The following RBFOX1 variants were observed in gnomAD, a reference collection of about 807,000 sequenced individuals.
The protein encoded by RBFOX1 is RNA binding protein fox-1 homolog 1.
RBFOX1 carries 8 observed loss-of-function variants against 57.7 expected under a neutral mutation model. The ratio of observed to expected loss-of-function variants is 0.14; its 90% confidence interval spans 0.08 to 0.25. The LOEUF (loss-of-function observed/expected upper bound fraction) is 0.25. RBFOX1 is among the 10% of genes least tolerant of loss of function. RBFOX1 has a pLI of 1.00. For missense variants in RBFOX1, 611 were observed against 548.5 expected (o/e 1.11, Z -1.14); for synonymous variants, 326 against 222.4 (o/e 1.47, Z -4.15).
chr16:6,543,638 A>G (rs571635753), intron 2 of RBFOX1, among the ~76,000 whole-genome samples: 15 of 152,102 alleles, frequency 9.9e-5, no homozygotes, highest in Non-Finnish European at 2.2e-4. Flanking sequence ...GGTCTGGAAG[A>G]TTTTTGCCTG....
In RBFOX1 at chr16:6,492,118, G is replaced by GTT. The variant is rs58092203; in HGVS notation, c.-63-162484_-63-162483insTT. Among the ~76,000 whole-genome samples the GTT allele has an allele frequency of 1.2e-4, 3 of 25,978 alleles. No homozygotes were observed. In the Admixed American group the frequency reaches 1.7e-3, roughly 15 times the overall value. The allele number at this position is 25,978 out of a possible 152,430, so 17.0% of individuals were successfully genotyped here. A position where few individuals can be genotyped will look rare whatever the true frequency, so the allele number is the denominator to read the frequency against. ...AAACATAAATAGCAAGTATATGAAA[G>GTT]TGTGTGTGTGTGTGCGGGCGTGTGA... On this transcript the variant is annotated intron_variant, in intron 2 of 15. Coordinates refer to ENST00000550418, the MANE Select transcript of RBFOX1 (RefSeq NM_018723.4).
At chr16:6,331,378 T>C (rs569006033) in intron 2 of RBFOX1, among the ~76,000 whole-genome samples, 2 of 151,012 alleles carry the variant, frequency 1.3e-5, no homozygotes, top group East Asian at 3.9e-4. Flanking sequence ...GCCCGGGAGG[T>C]GGAGGTTGCA....
chr16:5,884,867 C>T (rs762536399), intron 4 of RBFOX1, among the ~76,000 whole-genome samples: 1 of 152,090 alleles, frequency 6.6e-6, no homozygotes, highest in African/African-American at 2.4e-5. Context: ...GTGGCACGAG[C>T]TTGGAGTGTC....
chr16:5,687,619 T>C (rs1445155626), intron 3 of RBFOX1, among the ~76,000 whole-genome samples: 1 of 152,180 alleles, frequency 6.6e-6, no homozygotes, highest in Non-Finnish European at 1.5e-5. Context: ...GAGAAAGTCA[T>C]TGTAGCGTCA....
intron 14 of RBFOX1, among the ~76,000 whole-genome samples, chr16:7,706,831 G>A (rs1446986165): frequency 1.3e-5 from 2 of 152,118 alleles, no homozygotes; most frequent in Non-Finnish European, 1.5e-5. Context: ...TTCCTTTTAT[G>A]CCTGTTACTA....
intron 2 of RBFOX1, among the ~76,000 whole-genome samples, chr16:6,620,299 G>A (rs1472076428): frequency 2.0e-5 from 3 of 152,146 alleles, no homozygotes; most frequent in African/African-American, 4.8e-5. Flanking sequence ...TGAAACTAAT[G>A]AGAACAAAGA....
At chr16:7,678,854 G>C (rs1366736817) in intron 14 of RBFOX1, among the ~76,000 whole-genome samples, 1 of 152,164 alleles carries the variant, frequency 6.6e-6, no homozygotes, top group Non-Finnish European at 1.5e-5. Context: ...CCCACTGAAA[G>C]ATTGCCCTTG....
intron 3 of RBFOX1, among the ~76,000 whole-genome samples, chr16:5,722,730 C>A (rs373071800): frequency 6.6e-6 from 1 of 152,168 alleles, no homozygotes. Context: ...TTCATGGATA[C>A]CATTCTATGC....
intron 2 of RBFOX1, among the ~76,000 whole-genome samples, chr16:6,546,550 C>T (rs539755720): frequency 3.6e-4 from 55 of 152,318 alleles, no homozygotes; most frequent in African/African-American, 1.3e-3. Context: ...CTTCTACTTT[C>T]ATGTGGCATT....
At chr16:7,310,185 G>T (rs964131056) in intron 4 of RBFOX1, among the ~76,000 whole-genome samples, 1 of 152,302 alleles carries the variant, frequency 6.6e-6, no homozygotes, top group East Asian at 1.9e-4. Flanking sequence ...CAATGGACCC[G>T]CAGGCCGCCT....
At chr16:6,864,200 C>T (rs1169248386) in intron 3 of RBFOX1, among the ~76,000 whole-genome samples, 1 of 152,222 alleles carries the variant, frequency 6.6e-6, no homozygotes, top group South Asian at 2.1e-4. Context: ...AAATAATTCA[C>T]TTTTTTCTTC....
At chr16:5,385,459 A>T (rs777210742) in intron 1 of RBFOX1, among the ~76,000 whole-genome samples, 1 of 152,222 alleles carries the variant, frequency 6.6e-6, no homozygotes, top group Non-Finnish European at 1.5e-5. Flanking sequence ...TTGAGCAGAG[A>T]GTACTTAACA....
chr16:6,020,241 C>T (rs2095042367), intron 1 of RBFOX1, among the ~76,000 whole-genome samples: 1 of 151,986 alleles, frequency 6.6e-6, no homozygotes, highest in Non-Finnish European at 1.5e-5. Context: ...TTCCTTGCCC[C>T]AGAGCGCCCC....
intron 1 of RBFOX1, among the ~76,000 whole-genome samples, chr16:6,267,281 T>A (rs570445239): frequency 1.2e-4 from 19 of 152,340 alleles, no homozygotes; most frequent in African/African-American, 4.3e-4. Flanking sequence ...TCACAATTCA[T>A]ACACTAACAC....
At chr16:6,715,865 A>T (rs1024048632) in intron 3 of RBFOX1, among the ~76,000 whole-genome samples, 4 of 152,230 alleles carry the variant, frequency 2.6e-5, no homozygotes, top group Non-Finnish European at 5.9e-5. Context: ...TTCTTAGGGT[A>T]TGAAGCCCCT....
intron 4 of RBFOX1, among the ~76,000 whole-genome samples, chr16:7,095,412 A>T (rs2061533704): frequency 6.6e-6 from 1 of 152,224 alleles, no homozygotes; most frequent in South Asian, 2.1e-4. Context: ...TGCTGGGATT[A>T]CAGTCATGAG....
At chr16:7,498,480 A>G (rs1215819531) in intron 4 of RBFOX1, among the ~76,000 whole-genome samples, 2 of 152,158 alleles carry the variant, frequency 1.3e-5, no homozygotes, top group Non-Finnish European at 2.9e-5. Flanking sequence ...AGCCATATTA[A>G]GGCAAAACAA....
At chr16:5,731,961 G>C (rs1325983968) in intron 3 of RBFOX1, among the ~76,000 whole-genome samples, 1 of 152,182 alleles carries the variant, frequency 6.6e-6, no homozygotes, top group Admixed American at 6.5e-5. Flanking sequence ...TGACCCAAAA[G>C]CTTAATGAAT....
chr16:5,419,876 G>A (rs1288621831), intron 1 of RBFOX1, among the ~76,000 whole-genome samples: 4 of 152,030 alleles, frequency 2.6e-5, no homozygotes, highest in Non-Finnish European at 5.9e-5. Flanking sequence ...AGGGACCCTG[G>A]GTGATAGCAC....
Sources: gnomAD v4.1 joint callset for allele counts (sites outside exome capture counted in the v4.1 genomes callset) on GRCh38, gnomAD v4.1.1 for gene constraint, MANE v1.5 for transcripts, NCBI Gene and HGNC (gene_info 2026-07-23, HGNC 2026-07-21) for gene names.